The following DPT variants were observed in gnomAD, a reference collection of about 807,000 sequenced individuals.
The protein encoded by DPT is tyrosine-rich acidic matrix protein.
DPT carries 21 observed loss-of-function variants against 31.2 expected under a neutral mutation model. The ratio of observed to expected loss-of-function variants is 0.67; its 90% CI spans 0.48 to 0.97. DPT has a LOEUF of 0.97. Ranked by LOEUF, DPT falls within the 50% of genes least tolerant of loss-of-function variation. The probability of loss-of-function intolerance (pLI) is 0.00; values close to 1 mark genes in which losing one functional copy is unlikely to be tolerated. For synonymous variants in DPT, 91 were observed against 86.9 expected (o/e 1.05, Z -0.26); for missense variants, 262 against 258.8 (o/e 1.01, Z -0.08).
chr1:168,719,235 C>A (rs185640533), intron 1 of DPT, among the ~76,000 whole-genome samples: 208 of 152,242 alleles, frequency 1.4e-3, no homozygotes, highest in Admixed American at 3.7e-3. Flanking sequence ...TTCTTGCTTC[C>A]GTTCTCTCCC....
rs1405482264 is a variant in DPT at position 168,695,900 on chromosome 1, G to A, written c.*649C>T. ...TGCACTCATTTTCCTTACTGGGTAT[G>A]CTAACGTTTGTCTTCTAATTCAGGA... is the stretch of plus-strand genomic sequence containing the variant. On this transcript the variant is annotated 3_prime_UTR_variant, in exon 4 of 4. Transcript: ENST00000367817. 1 of 322,534 alleles carries A rather than the reference G, an allele frequency of 3.1e-6. No individual in the cohort carries two copies. Among genetic ancestry groups the A allele is most frequent in the Non-Finnish European group, 5.6e-6 (1 of 177,290 alleles). 20.0% of individuals were successfully genotyped at this position (322,534 alleles called of 1,614,324 possible). A position where few individuals can be genotyped will look rare whatever the true frequency, so the allele number is the denominator to read the frequency against.
intron 2 of DPT, among the ~76,000 whole-genome samples, chr1:168,713,475 A>T (rs80137582): frequency 2.0e-5 from 3 of 152,184 alleles, no homozygotes; most frequent in African/African-American, 4.8e-5. Context: ...CAACCTTCAC[A>T]TGTTGACACT....
intron 2 of DPT, among the ~76,000 whole-genome samples, chr1:168,705,425 A>G (rs1270330400): frequency 6.6e-6 from 1 of 152,090 alleles, no homozygotes; most frequent in Non-Finnish European, 1.5e-5. Flanking sequence ...ACCTTGGCCC[A>G]CTTTGTGGGG....
chr1:168,722,724 G>A (rs756945313), intron 1 of DPT, among the ~76,000 whole-genome samples: 2 of 152,146 alleles, frequency 1.3e-5, no homozygotes, highest in Non-Finnish European at 2.9e-5. Flanking sequence ...AGTTGTGAAA[G>A]CTGAGTATTT....
chr1:168,714,475 C>A, intron 1 of DPT, 129 bp from the exon 2 acceptor site: 1 of 1,156,428 alleles, frequency 8.6e-7, no homozygotes, highest in East Asian at 2.5e-5. Flanking sequence ...CCATTTTATG[C>A]AAATAATAGT....
At position 168,719,123 on chromosome 1, in the gene DPT, T is replaced by C. The variant is rs112918168; in HGVS notation, c.306-4777A>G. ...TGAGTGACCCGACTATGTCCCATTA[T>C]TGGAGGCAGAATTGACTTTTAAGAG... On this transcript the variant is annotated intron_variant, in intron 1 of 3. Transcript: ENST00000367817. 7.5e-3 allele frequency among the ~76,000 whole-genome samples: 1,135 copies of C among 152,292 alleles called. 16 individuals are homozygous for C. Among genetic ancestry groups the C allele is most frequent in the African/African-American group, 0.026 (1,061 of 41,562 alleles).
At chr1:168,720,111 G>A (rs950704419) in intron 1 of DPT, among the ~76,000 whole-genome samples, 4 of 152,040 alleles carry the variant, frequency 2.6e-5, no homozygotes, top group African/African-American at 7.2e-5. Flanking sequence ...ATGAGTTCTA[G>A]TCCTAGCCCT....
intron 1 of DPT, among the ~76,000 whole-genome samples, chr1:168,724,597 G>A (rs1650194812): frequency 6.6e-6 from 1 of 152,076 alleles, no homozygotes; most frequent in South Asian, 2.1e-4. Flanking sequence ...AACAAAGCAG[G>A]CTGAGGGAGT....
chr1:168,724,767 T>C (rs1017931995), intron 1 of DPT, among the ~76,000 whole-genome samples: 2 of 152,144 alleles, frequency 1.3e-5, no homozygotes, highest in Admixed American at 1.3e-4. Context: ...AGTCCGACCA[T>C]GGAAAACGGA....
chr1:168,716,541 ATTTTC>A (rs746382674), intron 1 of DPT, among the ~76,000 whole-genome samples: 16 of 151,506 alleles, frequency 1.1e-4, no homozygotes, highest in Non-Finnish European at 1.9e-4. Context: ...AGGTTTTACA[ATTTTC>A]TTTTATTTTA....
At position 168,701,041 on chromosome 1, in the gene DPT, G is replaced by A; in HGVS notation, c.515C>T (p.Thr172Ile). The A allele has an allele frequency of 1.2e-6, 2 of 1,613,754 alleles. No homozygotes were observed. Among genetic ancestry groups the A allele is most frequent in the South Asian group, 1.1e-5 (1 of 91,064 alleles). Residue 172 changes from threonine to isoleucine, a missense_variant, in exon 3 of 4, where the codon ACA becomes ATA. Physicochemically the swap from Thr to Ile is moderately conservative, Grantham distance 89 (BLOSUM62 -1). Coordinates refer to ENST00000367817, the MANE Select transcript of DPT (RefSeq NM_001937.5). Reference protein sequence around the residue: ...YNYDYYIRGATTTFSAVERDR... With the variant: ...YNYDYYIRGAITTFSAVERDR... ...CCTTTCCACTGCAGAGAAAGTGGTT[G>A]TTGCTCCTCGGATATAGTAATCATA...
At chr1:168,702,229 T>G (rs978923433) in intron 2 of DPT, among the ~76,000 whole-genome samples, 3 of 152,230 alleles carry the variant, frequency 2.0e-5, no homozygotes, top group Non-Finnish European at 4.4e-5. Flanking sequence ...TCACTGTTTA[T>G]TAATGCTAGA....
intron 1 of DPT, among the ~76,000 whole-genome samples, chr1:168,726,371 A>G (rs736846): frequency 0.19 from 29,138 of 152,248 alleles, 3,288 homozygotes; most frequent in African/African-American, 0.32. Context: ...GTTTAAAACT[A>G]AACATCATTT....
Position 168,701,096 on chromosome 1 carries a change from C to T in DPT, c.460G>A (p.Gly154Ser). The T allele has an allele frequency of 1.2e-6, 2 of 1,613,716 alleles. No individual in the cohort carries two copies. Among genetic ancestry groups the T allele is most frequent in the Non-Finnish European group, 1.7e-6 (2 of 1,179,846 alleles). ...WLTTEYPGHY[G>S]EEMDMISYNY... The stretch of plus-strand genomic sequence containing the variant: ...TAGGAAATCATGTCCATTTCCTCAC[C>T]ATAGTGACCTGGATATTCTGTTGTT... Residue 154 changes from glycine to serine, a missense_variant, in exon 3 of 4, where the codon GGT (glycine) becomes AGT (serine). Physicochemically the swap from Gly to Ser is moderately conservative, Grantham distance 56 (BLOSUM62 0). Coordinates refer to ENST00000367817, the MANE Select transcript of DPT (RefSeq NM_001937.5).
chr1:168,701,042 T>C lies in DPT; in HGVS notation c.514A>G (p.Thr172Ala), dbSNP rs1234279960. The stretch of plus-strand genomic sequence containing the variant: ...CTTTCCACTGCAGAGAAAGTGGTTG[T>C]TGCTCCTCGGATATAGTAATCATAA... Reference protein sequence around the residue: ...YNYDYYIRGATTTFSAVERDR... With the variant: ...YNYDYYIRGAATTFSAVERDR... The change falls in exon 3 of 4, where the codon ACA becomes GCA. Residue 172 changes from threonine (T) to alanine (A), a missense_variant. Coordinates refer to ENST00000367817, the MANE Select transcript of DPT (RefSeq NM_001937.5). The C allele has an allele frequency of 6.2e-7, 1 of 1,613,862 alleles. No homozygotes were observed. Among genetic ancestry groups the C allele is most frequent in the African/African-American group, 1.3e-5 (1 of 75,026 alleles).
At chr1:168,703,639 A>G (rs2101900499) in intron 2 of DPT, among the ~76,000 whole-genome samples, 1 of 152,142 alleles carries the variant, frequency 6.6e-6, no homozygotes, top group East Asian at 1.9e-4. Flanking sequence ...GGTTGTTGTT[A>G]TTTTGTCTTG....
intron 2 of DPT, 133 bp from the exon 3 acceptor site, chr1:168,701,257 C>T: frequency 2.9e-6 from 2 of 691,704 alleles, no homozygotes; most frequent in Non-Finnish European, 2.6e-6. Context: ...AAATGACATC[C>T]ACCAAACAAC....
Position 168,714,292 on chromosome 1 carries a change from G to C in DPT, c.360C>G (p.Phe120Leu), listed in dbSNP as rs771206325. ...GCCACTCCCGATCCAGCACTGACTC[G>C]AAGTAGCGGCTCTGGAATCCTGCCA... ...GLVAGFQSRY[F>L]ESVLDREWQF... Residue 120 changes from phenylalanine to leucine, a missense_variant, in exon 2 of 4, where the codon TTC (phenylalanine) becomes TTG (leucine). By Grantham distance (22) the Phe-to-Leu change is conservative. Coordinates refer to ENST00000367817, the MANE Select transcript of DPT (RefSeq NM_001937.5). The C allele has an allele frequency of 6.2e-7, 1 of 1,614,052 alleles. No individual in the cohort carries two copies. The highest frequency in any genetic ancestry group is 8.5e-7 in the Non-Finnish European group (1 of 1,180,006).
chr1:168,714,183 C>G (rs1649927822), intron 2 of DPT, 38 bp downstream of exon 2: 1 of 1,613,586 alleles, frequency 6.2e-7, no homozygotes, highest in Admixed American at 1.7e-5. Context: ...CTCTCCCACC[C>G]CAGGAGTCAT....
Sources: gnomAD v4.1 joint callset for allele counts (sites outside exome capture counted in the v4.1 genomes callset) on GRCh38, gnomAD v4.1.1 for gene constraint, MANE v1.5 for transcripts, NCBI Gene and HGNC (gene_info 2026-07-23, HGNC 2026-07-21) for gene names.